The following RPE variants were observed in gnomAD, a reference collection of about 807,000 sequenced individuals.
The protein encoded by RPE is ribulose-5-phosphate-3-epimerase, also known as ribulose-phosphate 3-epimerase.
Under a neutral mutation model 24.6 loss-of-function variants are expected in RPE, and 16 were observed. The observed-to-expected ratio is 0.65, with a 90% CI of 0.44 to 0.99. The LOEUF (loss-of-function observed/expected upper bound fraction) is 0.99. Among genes scored for constraint, RPE ranks in the 50% least tolerant of loss-of-function variants. The pLI is 0.00. For synonymous variants in RPE, 93 were observed against 98.4 expected, an observed-to-expected ratio of 0.94 and a Z score of 0.33; for missense variants, 240 against 294.5, an observed-to-expected ratio of 0.81 and a Z score of 1.35.
At chr2:210,017,122 G>A (rs1480414766) in intron 4 of RPE, among the ~76,000 whole-genome samples, 1 of 152,148 alleles carries the variant, frequency 6.6e-6, no homozygotes, top group East Asian at 1.9e-4. Flanking sequence ...GGGATTACAG[G>A]TGGCAGCCAA....
intron 5 of RPE, chr2:210,018,527 A>G: frequency 1.0e-6 from 1 of 984,934 alleles, no homozygotes; most frequent in Non-Finnish European, 1.2e-6. Flanking sequence ...ATCTACTTCC[A>G]GGTTCTTGTA....
chr2:210,013,364 C>T (rs2093727034), intron 2 of RPE, among the ~76,000 whole-genome samples: 1 of 147,914 alleles, frequency 6.8e-6, no homozygotes, highest in South Asian at 2.1e-4. Context: ...GGCTAGAGTG[C>T]AGTGGTGGCC....
chr2:210,004,701 CTATA>C (rs200926327), intron 1 of RPE, among the ~76,000 whole-genome samples: 1 of 125,684 alleles, frequency 8.0e-6, no homozygotes, highest in Non-Finnish European at 1.9e-5. Flanking sequence ...TTTTGCTCAC[CTATA>C]TATTCTTTGC....
chr2:210,013,880 A>G (rs2093733600), intron 2 of RPE, among the ~76,000 whole-genome samples: 1 of 152,138 alleles, frequency 6.6e-6, no homozygotes, highest in Non-Finnish European at 1.5e-5. Context: ...CAAGTTTATG[A>G]ATAATAGATT....
chr2:210,005,032 A>G (rs1312462929), intron 1 of RPE, among the ~76,000 whole-genome samples: 1 of 152,186 alleles, frequency 6.6e-6, no homozygotes, highest in Non-Finnish European at 1.5e-5. Context: ...AGCTGTTTCT[A>G]TTCCCCTTTT....
Position 210,019,722 on chromosome 2 carries a change from C to T in RPE, c.618C>T (p.Pro206=). ...GTGCTATTATGAGGAGTGAAGACCC[C>T]AGATCTGTGATCAATCTATTAAGAA... ...SGSAIMRSED[P]RSVINLLRNV... is the part of the protein sequence containing the mutation. Residue 206 remains proline (P), a synonymous_variant, in exon 6 of 6, where the codon CCC becomes CCT. Coordinates refer to ENST00000359429, the MANE Select transcript of RPE (RefSeq NM_199229.3). 1.9e-6 allele frequency: 3 copies of T among 1,613,462 alleles called. No homozygotes were observed. Among genetic ancestry groups the T allele is most frequent in the Non-Finnish European group, 2.5e-6 (3 of 1,179,548 alleles).
chr2:210,019,926 T>C lies in RPE; in HGVS notation c.*135T>C. 8.3e-7 allele frequency: 1 copy of C among 1,198,860 alleles called. No individual in the cohort carries two copies. The highest frequency in any genetic ancestry group is 1.1e-6 in the Non-Finnish European group (1 of 880,892). The allele number at this position is 1,198,860 out of a possible 1,614,324, so 74.3% of individuals were successfully genotyped here. On this transcript the variant is annotated 3_prime_UTR_variant, in exon 6 of 6. Coordinates refer to ENST00000359429, the MANE Select transcript of RPE (RefSeq NM_199229.3). ...AGTTATTCATTCCAGTGATTAAAAC[T>C]GATTGTGCAGAATATTCTAAGAGGT...
At chr2:210,007,748 C>T (rs994809129) in intron 1 of RPE, among the ~76,000 whole-genome samples, 2 of 152,180 alleles carry the variant, frequency 1.3e-5, no homozygotes, top group South Asian at 2.1e-4. Context: ...TCTATAATCA[C>T]GTTACCTGCC....
At chr2:210,015,031 A>C (rs1213082678) in intron 2 of RPE, among the ~76,000 whole-genome samples, 1 of 152,186 alleles carries the variant, frequency 6.6e-6, no homozygotes, top group Non-Finnish European at 1.5e-5. Context: ...AATTAGGATG[A>C]ATATCAGGTT....
At chr2:210,008,364 C>G (rs947758349) in intron 1 of RPE, among the ~76,000 whole-genome samples, 1 of 143,068 alleles carries the variant, frequency 7.0e-6, no homozygotes, top group Admixed American at 7.2e-5. Context: ...GGCGTGATCT[C>G]AGCTCACTAC....
intron 5 of RPE, chr2:210,018,517 A>G (rs546992258): frequency 6.1e-6 from 6 of 984,522 alleles, no homozygotes; most frequent in East Asian, 1.1e-4. Flanking sequence ...AGTGTGATGT[A>G]TCTACTTCCA....
chr2:210,014,805 G>A (rs2093748398), intron 2 of RPE, among the ~76,000 whole-genome samples: 1 of 150,546 alleles, frequency 6.6e-6, no homozygotes, highest in Non-Finnish European at 1.5e-5. Context: ...TAGCTTGGCT[G>A]TTTCAGAAAT....
At chr2:210,015,304 G>C (rs148653087) in intron 2 of RPE, among the ~76,000 whole-genome samples, 1 of 152,272 alleles carries the variant, frequency 6.6e-6, no homozygotes, top group African/African-American at 2.4e-5. Flanking sequence ...AGCTTCCTCA[G>C]TCGATAGTAT....
rs1165232535 is a variant in RPE at position 210,022,232 on chromosome 2, T to G, written c.*2441T>G. 6.6e-6 allele frequency: 1 copy of G among 152,088 alleles called. No homozygotes were observed. The highest frequency in any genetic ancestry group is 1.5e-5 in the Non-Finnish European group (1 of 67,972). The allele number at this position is 152,088 out of a possible 1,614,324, so 9.4% of individuals were successfully genotyped here. The stretch of plus-strand genomic sequence containing the variant: ...TTTAGTCCCAAAGATAGCAGTGATT[T>G]TGAATAAAGGAGTTTTGTGTTGCCT... On this transcript the variant is annotated 3_prime_UTR_variant, in exon 6 of 6. Coordinates refer to ENST00000359429, the MANE Select transcript of RPE (RefSeq NM_199229.3).
chr2:210,018,095 G>GT, intron 5 of RPE: 4 of 1,458,316 alleles, frequency 2.7e-6, no homozygotes, highest in Non-Finnish European at 3.7e-6. Context: ...GTAAATCCTG[G>GT]TTTTCTCAGG....
chr2:210,003,013 A>C (rs1199231555), intron 1 of RPE, among the ~76,000 whole-genome samples: 2 of 152,024 alleles, frequency 1.3e-5, no homozygotes, highest in Non-Finnish European at 2.9e-5. Context: ...CCCTCCCCCC[A>C]CGTAACGTGT....
intron 1 of RPE, chr2:210,003,505 A>G (rs1262418733): frequency 4.8e-6 from 6 of 1,242,500 alleles, no homozygotes; most frequent in Admixed American, 4.6e-5. Flanking sequence ...ACAGCACATA[A>G]TATTGTTTGG....
At chr2:210,015,768 G>A (rs2723211) in intron 2 of RPE, among the ~76,000 whole-genome samples, 57,502 of 152,018 alleles carry the variant, frequency 0.38, 12,630 homozygotes, top group Middle Eastern at 0.56. Context: ...TGGGAAAATA[G>A]TGTTTTTTGT....
intron 5 of RPE, chr2:210,018,772 TGAA>T (rs2093814430): frequency 1.2e-6 from 1 of 845,270 alleles, no homozygotes; most frequent in Non-Finnish European, 1.4e-6. Flanking sequence ...CAGCAGGATA[TGAA>T]GAACTCCCAC....
Sources: allele counts gnomAD v4.1 joint callset (sites outside exome capture counted in the v4.1 genomes callset), GRCh38; gene constraint gnomAD v4.1.1; transcripts MANE v1.5; gene names NCBI Gene and HGNC (gene_info 2026-07-23, HGNC 2026-07-21).